The following CDH12 variants were observed in gnomAD, a reference collection of about 807,000 sequenced individuals.
CDH12 encodes the protein cadherin 12, also known as cadherin-12.
A neutral mutation model predicts 74.1 loss-of-function variants in CDH12; 41 were observed. The observed-to-expected ratio is 0.55, with a 90% CI of 0.43 to 0.72. CDH12 has a LOEUF of 0.72. Among genes scored for constraint, CDH12 ranks in the 30% least tolerant of loss-of-function variants. CDH12 has a pLI of 0.00. For synonymous variants in CDH12, 399 were observed against 355.0 expected, an observed-to-expected ratio of 1.12 and a Z score of -1.39; for missense variants, 945 against 977.2, an observed-to-expected ratio of 0.97 and a Z score of 0.44.
intron 4 of CDH12, among the ~76,000 whole-genome samples, chr5:22,086,386 C>T (rs1743068460): frequency 6.6e-6 from 1 of 151,676 alleles, no homozygotes; most frequent in African/African-American, 2.4e-5. Context: ...ACTCTGTCAC[C>T]CGGGCTGGAG....
chr5:22,032,671 G>T (rs1385254081), intron 5 of CDH12, among the ~76,000 whole-genome samples: 1 of 148,792 alleles, frequency 6.7e-6, no homozygotes, highest in Admixed American at 6.7e-5. Flanking sequence ...TCGTGCCACT[G>T]TACTCCAGCC....
rs1427158094 is a variant in CDH12 at position 22,815,784 on chromosome 5, A to T, written c.-523+37274T>A. Among the ~76,000 whole-genome samples, 136 of 148,808 alleles carry T rather than the reference A, an allele frequency of 9.1e-4. 2 individuals carry two copies. The highest frequency in any genetic ancestry group is 2.0e-3 in the Admixed American group (30 of 15,000). On this transcript the variant is annotated intron_variant, in intron 1 of 14. Transcript: ENST00000382254. ...GACTCCGTCTCAAAAAAAAAAAAAA[A>T]ATAAATAAATAATAAAAATAAAAAA...
At chr5:22,100,755 C>T (rs890121835) in intron 4 of CDH12, among the ~76,000 whole-genome samples, 1 of 151,314 alleles carries the variant, frequency 6.6e-6, no homozygotes, top group African/African-American at 2.4e-5. Context: ...TAAATTACTG[C>T]ATTACACTAT....
intron 6 of CDH12, among the ~76,000 whole-genome samples, chr5:21,941,758 T>C (rs1379829564): frequency 6.6e-6 from 1 of 152,168 alleles, no homozygotes; most frequent in African/African-American, 2.4e-5. Context: ...TGACTCAGAA[T>C]ACAATATGTA....
At chr5:22,282,941 T>G (rs1273039744) in intron 3 of CDH12, among the ~76,000 whole-genome samples, 1 of 151,950 alleles carries the variant, frequency 6.6e-6, no homozygotes, top group East Asian at 1.9e-4. Context: ...CAAGCACACG[T>G]ATGTTTATTG....
intron 2 of CDH12, among the ~76,000 whole-genome samples, chr5:22,446,154 T>G (rs1744807974): frequency 6.6e-6 from 1 of 152,076 alleles, no homozygotes; most frequent in Non-Finnish European, 1.5e-5. Context: ...TACTTAAGTT[T>G]AACATCTTCA....
chr5:22,477,356 T>C (rs570046740), intron 2 of CDH12, among the ~76,000 whole-genome samples: 3 of 152,156 alleles, frequency 2.0e-5, no homozygotes, highest in Non-Finnish European at 4.4e-5. Flanking sequence ...TCTGTTAGTG[T>C]GTTAGTTTGC....
At chr5:22,763,309 T>C (rs944591379) in intron 1 of CDH12, among the ~76,000 whole-genome samples, 1 of 151,970 alleles carries the variant, frequency 6.6e-6, no homozygotes, top group Non-Finnish European at 1.5e-5. Context: ...TTTTCCTTGT[T>C]CAGATAACAA....
rs553369080 is a variant in CDH12 at position 21,762,505 on chromosome 5, C to T, written c.1516-1830G>A. On this transcript the variant is annotated intron_variant, in intron 12 of 14. Transcript: ENST00000382254. ...AAAAACAGAACATATATACATTTCT[C>T]ATATATTACAATATATTACAATTAA... Among the ~76,000 whole-genome samples, 84 of 152,198 alleles carry T rather than the reference C, an allele frequency of 5.5e-4. No homozygotes were observed. In the South Asian group the frequency reaches 0.017, roughly 30 times the overall value.
chr5:22,525,676 G>T (rs2126693448), intron 1 of CDH12, among the ~76,000 whole-genome samples: 1 of 152,114 alleles, frequency 6.6e-6, no homozygotes, highest in South Asian at 2.1e-4. Context: ...ATCTCTCTTT[G>T]TTTTCACCTT....
At chr5:22,407,911 G>A (rs970574428) in intron 2 of CDH12, among the ~76,000 whole-genome samples, 5 of 151,886 alleles carry the variant, frequency 3.3e-5, no homozygotes, top group East Asian at 1.9e-4. Context: ...GCTTTTTTAC[G>A]TTTCCTCACA....
At chr5:22,266,708 T>A (rs1736133090) in intron 3 of CDH12, among the ~76,000 whole-genome samples, 1 of 152,114 alleles carries the variant, frequency 6.6e-6, no homozygotes, top group Admixed American at 6.6e-5. Context: ...TAAGGAGTAT[T>A]TTATGCTACT....
chr5:21,949,189 CCTT>C (rs1266985010), intron 6 of CDH12, among the ~76,000 whole-genome samples: 2 of 152,016 alleles, frequency 1.3e-5, no homozygotes, highest in African/African-American at 2.4e-5. Context: ...GTAGTGTACA[CCTT>C]CTACTTATTA....
intron 11 of CDH12, among the ~76,000 whole-genome samples, chr5:21,769,852 CAA>C (rs1392526082): frequency 6.6e-6 from 1 of 152,122 alleles, no homozygotes; most frequent in Admixed American, 6.6e-5. Context: ...TTTTATTTGA[CAA>C]AGTGTCCTGA....
chr5:22,497,747 AT>A (rs1747161248), intron 2 of CDH12, among the ~76,000 whole-genome samples: 1 of 148,370 alleles, frequency 6.7e-6, no homozygotes, highest in East Asian at 2.0e-4. Flanking sequence ...GGTTCAAGCA[AT>A]TCTCCTGCCT....
At position 21,900,981 on chromosome 5, in the gene CDH12, G is replaced by A. The variant is rs568120643; in HGVS notation, c.527-46191C>T. Among the ~76,000 whole-genome samples the A allele has an allele frequency of 9.9e-5, 15 of 152,180 alleles. No homozygotes were observed. In the South Asian group the frequency reaches 1.7e-3, roughly 17 times the overall value. ...TTCTCATTGTTGTTTCTGCCATGCCGCATTTCTGGCACAGAACAGTTGCTC... is the reference window on the plus strand; with the variant it reads ...TTCTCATTGTTGTTTCTGCCATGCCACATTTCTGGCACAGAACAGTTGCTC... On this transcript the variant is annotated intron_variant, in intron 6 of 14. Coordinates refer to ENST00000382254, the MANE Select transcript of CDH12 (RefSeq NM_004061.5).
chr5:22,517,951 G>A (rs547790548), intron 1 of CDH12, among the ~76,000 whole-genome samples: 277 of 152,218 alleles, frequency 1.8e-3, no homozygotes, highest in African/African-American at 4.9e-3. Flanking sequence ...TCAACTGGGC[G>A]TTCATGTTTC....
intron 6 of CDH12, among the ~76,000 whole-genome samples, chr5:21,900,615 G>T (rs754146171): frequency 6.6e-6 from 1 of 152,104 alleles, no homozygotes; most frequent in Non-Finnish European, 1.5e-5. Context: ...GAAATGTCAT[G>T]GTATTTATCT....
chr5:22,281,425 A>G (rs1736878342), intron 3 of CDH12, among the ~76,000 whole-genome samples: 1 of 152,154 alleles, frequency 6.6e-6, no homozygotes, highest in Non-Finnish European at 1.5e-5. Flanking sequence ...GGAAGAGAGG[A>G]AGTCAAATTG....
Sources: gnomAD v4.1 joint callset for allele counts (sites outside exome capture counted in the v4.1 genomes callset) on GRCh38, gnomAD v4.1.1 for gene constraint, MANE v1.5 for transcripts, NCBI Gene and HGNC (gene_info 2026-07-23, HGNC 2026-07-21) for gene names.